The following NRG3 variants were observed in gnomAD, a reference collection of about 807,000 sequenced individuals.
NRG3 encodes the protein pro-neuregulin-3, membrane-bound isoform.
A neutral mutation model predicts 66.9 loss-of-function variants in NRG3; 31 were observed. The observed-to-expected ratio is 0.46, with a 90% confidence interval of 0.35 to 0.63. NRG3 has a LOEUF of 0.63. NRG3 is among the 20% of genes least tolerant of loss of function. NRG3 has a pLI of 0.00. For missense variants in NRG3, 910 were observed against 878.9 expected, an observed-to-expected ratio of 1.04 and a Z score of -0.45; for synonymous variants, 393 against 359.4, an observed-to-expected ratio of 1.09 and a Z score of -1.06.
chr10:82,176,604 G>A (rs1157203866), intron 1 of NRG3, among the ~76,000 whole-genome samples: 3 of 152,058 alleles, frequency 2.0e-5, no homozygotes, highest in African/African-American at 7.2e-5. Flanking sequence ...CCCATCTCCA[G>A]CGGTGTTTGG....
At chr10:82,296,583 G>A (rs569488210) in intron 1 of NRG3, among the ~76,000 whole-genome samples, 7 of 152,230 alleles carry the variant, frequency 4.6e-5, no homozygotes, top group South Asian at 4.1e-4. Context: ...TTTTGACCAT[G>A]CATACAAATT....
At chr10:82,074,384 C>CT (rs1313944821) in intron 1 of NRG3, among the ~76,000 whole-genome samples, 1 of 152,110 alleles carries the variant, frequency 6.6e-6, no homozygotes, top group East Asian at 1.9e-4. Flanking sequence ...GGATTTTACT[C>CT]TAAGAATGAT....
Position 81,875,876 on chromosome 10 carries a change from C to G in NRG3, c.536C>G (p.Pro179Arg), listed in dbSNP as rs1399439654. 1 of 1,611,148 alleles carries G rather than the reference C, an allele frequency of 6.2e-7. No homozygotes were observed. The highest frequency in any genetic ancestry group is 8.5e-7 in the Non-Finnish European group (1 of 1,179,798). ...PGHRVPIRAS[P>R]RSTTARNTAA... ...CACCGGGTGCCCATCCGGGCCAGCC[C>G]GCGCTCCACCACAGCACGGAACACT... Residue 179 changes from proline to arginine, a missense_variant, in exon 1 of 9, where the codon CCG (proline) becomes CGG (arginine). Transcript: ENST00000372141. The surrounding 1 kb of genome is among the most constrained non-coding windows in gnomAD (Gnocchi z 5.3).
chr10:82,427,064 G>A (rs905958517), intron 2 of NRG3, among the ~76,000 whole-genome samples: 1 of 151,850 alleles, frequency 6.6e-6, no homozygotes. Context: ...TTTTAAATTC[G>A]TTCCAGTAGG....
At position 81,875,399 on chromosome 10, in the gene NRG3, C is replaced by G. The variant is rs1489407654; in HGVS notation, c.59C>G (p.Ser20Trp). 2.4e-5 allele frequency: 24 copies of G among 1,004,960 alleles called. No homozygotes were observed. Among genetic ancestry groups the G allele is most frequent in the Non-Finnish European group, 2.6e-5 (22 of 845,000 alleles). The allele number at this position is 1,004,960 out of a possible 1,614,324, so 62.3% of individuals were successfully genotyped here. Reference sequence around the variant, plus strand: ...GGTGCCGCTTCGGCAGCCGCCGCCTCGGCCGAGGAGGGCACCGCGGCGGCT... The same window carrying G: ...GGTGCCGCTTCGGCAGCCGCCGCCTGGGCCGAGGAGGGCACCGCGGCGGCT... The part of the protein sequence containing the change: ...PPGAASAAAA[S>W]AEEGTAAAAA... The change falls in exon 1 of 9, where the codon TCG becomes TGG. Residue 20 changes from serine to tryptophan, a missense_variant. Physicochemically the swap from Ser to Trp is radical, Grantham distance 177. Transcript: ENST00000372141. The surrounding 1 kb of genome is among the most constrained non-coding windows in gnomAD (Gnocchi z 5.3).
intron 2 of NRG3, among the ~76,000 whole-genome samples, chr10:82,514,048 C>T (rs1590420477): frequency 2.0e-5 from 3 of 151,868 alleles, no homozygotes; most frequent in Admixed American, 2.0e-4. Flanking sequence ...TTGTTTTTTC[C>T]TGTAATTTGT....
intron 3 of NRG3, among the ~76,000 whole-genome samples, chr10:82,755,979 G>C (rs2059061267): frequency 6.6e-6 from 1 of 151,892 alleles, no homozygotes; most frequent in Admixed American, 6.6e-5. Flanking sequence ...CTTGCACCTT[G>C]CAGTTGCACC....
intron 1 of NRG3, among the ~76,000 whole-genome samples, chr10:82,301,602 T>C (rs1589647484): frequency 1.3e-5 from 2 of 151,446 alleles, no homozygotes; most frequent in East Asian, 3.9e-4. Flanking sequence ...ACTACAATTA[T>C]TTTTATCACA....
In NRG3 at chr10:82,774,444, AT is replaced by A. The variant is rs148783404; in HGVS notation, c.1027+35796del. On this transcript the variant is annotated intron_variant, in intron 3 of 8. Coordinates refer to ENST00000372141, the MANE Select transcript of NRG3 (RefSeq NM_001010848.4). The stretch of plus-strand genomic sequence containing the variant: ...TTTTAATGTCTTCTTCAACCTCTTT[AT>A]TGTATTATTGGTTTGTTTAAGCTTC... Among the ~76,000 whole-genome samples the A allele has an allele frequency of 4.1e-3, 617 of 152,068 alleles. 2 individuals are homozygous for A. Among genetic ancestry groups the A allele is most frequent in the Non-Finnish European group, 6.8e-3 (459 of 67,966 alleles).
At chr10:82,701,095 A>T (rs1591229581) in intron 2 of NRG3, among the ~76,000 whole-genome samples, 1 of 151,980 alleles carries the variant, frequency 6.6e-6, no homozygotes, top group East Asian at 1.9e-4. Context: ...AGTCTTAAAT[A>T]CAAAACAAAT....
chr10:82,059,062 T>C lies in NRG3; in HGVS notation c.823+182899T>C, dbSNP rs563473852. Among the ~76,000 whole-genome samples, 9 of 152,156 alleles carry C rather than the reference T, an allele frequency of 5.9e-5. 1 individual carries two copies. In the East Asian group the frequency reaches 1.2e-3, roughly 20 times the overall value. On this transcript the variant is annotated intron_variant, in intron 1 of 8. Coordinates refer to ENST00000372141, the MANE Select transcript of NRG3 (RefSeq NM_001010848.4). ...TTGAAAAACTAAAACAGTAGTTCAG[T>C]TGGGGAGAGGTATACATTGTGATGT...
chr10:82,783,780 G>C (rs2060222057), intron 3 of NRG3, among the ~76,000 whole-genome samples: 1 of 152,116 alleles, frequency 6.6e-6, no homozygotes, highest in South Asian at 2.1e-4. Flanking sequence ...TGGCCATACT[G>C]CCCAAGGTAA....
At chr10:82,134,080 TC>T (rs547192151) in intron 1 of NRG3, among the ~76,000 whole-genome samples, 1,532 of 152,240 alleles carry the variant, frequency 0.01, 10 homozygotes, top group Non-Finnish European at 0.013. Flanking sequence ...AAGTGTCTGT[TC>T]ATGTCCTTTG....
intron 2 of NRG3, among the ~76,000 whole-genome samples, chr10:82,438,728 C>T (rs553846968): frequency 4.8e-4 from 73 of 152,254 alleles, no homozygotes; most frequent in African/African-American, 1.5e-3. Flanking sequence ...GCAGATTGCC[C>T]GGCTGAGTAG....
intron 2 of NRG3, among the ~76,000 whole-genome samples, chr10:82,405,882 C>G (rs1372649209): frequency 2.0e-5 from 3 of 152,120 alleles, no homozygotes; most frequent in African/African-American, 7.2e-5. Context: ...AAGTTTTTCT[C>G]TCAGATTTGA....
intron 4 of NRG3, among the ~76,000 whole-genome samples, chr10:82,909,859 TGTAA>T (rs1000245962): frequency 6.6e-6 from 1 of 152,222 alleles, no homozygotes; most frequent in African/African-American, 2.4e-5. Context: ...TGAACAGCAG[TGTAA>T]GTGTGAACCA....
At chr10:82,439,782 A>G (rs1202527742) in intron 2 of NRG3, among the ~76,000 whole-genome samples, 1 of 152,022 alleles carries the variant, frequency 6.6e-6, no homozygotes, top group Non-Finnish European at 1.5e-5. Context: ...TTCTTGTAAT[A>G]CACTACTGGA....
chr10:82,282,700 G>GCATCCT lies in NRG3; in HGVS notation c.824-76036_824-76031dup, dbSNP rs200932608. Among the ~76,000 whole-genome samples the GCATCCT allele has an allele frequency of 9.9e-3, 1,502 of 152,282 alleles. 17 individuals are homozygous for GCATCCT. The highest frequency in any genetic ancestry group is 0.03 in the African/African-American group (1,262 of 41,542). Reference sequence around the variant, plus strand: ...GCAAATTAGCGACAAAGGTATGTATGCATCCTCACTGTTAGGAACGAGGGA... The same window carrying GCATCCT: ...GCAAATTAGCGACAAAGGTATGTATGCATCCTCATCCTCACTGTTAGGAACGAGGGA... On this transcript the variant is annotated intron_variant, in intron 1 of 8. Transcript: ENST00000372141.
intron 2 of NRG3, among the ~76,000 whole-genome samples, chr10:82,701,400 C>G (rs553331586): frequency 1.3e-5 from 2 of 152,232 alleles, no homozygotes; most frequent in Non-Finnish European, 2.9e-5. Context: ...CTCGCTTGAT[C>G]AGAATTACAT....
Sources: gnomAD v4.1 joint callset for allele counts (sites outside exome capture counted in the v4.1 genomes callset) on GRCh38, gnomAD v4.1.1 for gene constraint, Gnocchi (gnomAD v3.1) non-coding constraint, MANE v1.5 for transcripts, NCBI Gene and HGNC (gene_info 2026-07-23, HGNC 2026-07-21) for gene names.